SLC38A4: variants seen among roughly 807,000 people sequenced by gnomAD.
The protein encoded by SLC38A4 is solute carrier family 38 member 4.
In SLC38A4, 20 loss-of-function variants were observed where a neutral mutation model predicts 63.1. That is an observed-to-expected ratio of 0.32 (90% CI 0.22 to 0.46). SLC38A4 has a LOEUF of 0.46. Ranked by LOEUF, SLC38A4 falls within the 20% of genes least tolerant of loss-of-function variation. SLC38A4 has a pLI of 1.00. For synonymous variants in SLC38A4, 230 were observed against 225.5 expected (o/e 1.02, Z -0.18); for missense variants, 526 against 663.6 (o/e 0.79, Z 2.28).
intron 1 of SLC38A4, among the ~76,000 whole-genome samples, chr12:46,819,861 C>A (rs1592197643): frequency 6.6e-6 from 1 of 152,006 alleles, no homozygotes; most frequent in Admixed American, 6.6e-5. Flanking sequence ...ACTACAAATT[C>A]TTTCAGTCAA....
intron 14 of SLC38A4, among the ~76,000 whole-genome samples, chr12:46,773,017 C>A (rs1182376561): frequency 6.6e-6 from 1 of 151,996 alleles, no homozygotes; most frequent in Non-Finnish European, 1.5e-5. Flanking sequence ...GCGCCAATAA[C>A]AACTTTTATC....
intron 2 of SLC38A4, among the ~76,000 whole-genome samples, chr12:46,798,323 T>C (rs1279581214): frequency 6.6e-6 from 1 of 152,134 alleles, no homozygotes; most frequent in African/African-American, 2.4e-5. Context: ...GTCCACACTC[T>C]CCTCACCTTA....
intron 1 of SLC38A4, among the ~76,000 whole-genome samples, chr12:46,820,984 A>G (rs949805002): frequency 3.3e-5 from 5 of 152,054 alleles, no homozygotes; most frequent in Admixed American, 6.6e-5. Flanking sequence ...TTTTGAATAA[A>G]TGTCTATTCA....
At chr12:46,778,852 G>A in intron 10 of SLC38A4, 76 bp from the exon 11 acceptor site, 1 of 1,376,454 alleles carries the variant, frequency 7.3e-7, no homozygotes, top group Non-Finnish European at 1.0e-6. Context: ...CCATATGTGT[G>A]GCTTATAGGG....
At chr12:46,814,986 G>A (rs1012696290) in intron 1 of SLC38A4, among the ~76,000 whole-genome samples, 1 of 151,740 alleles carries the variant, frequency 6.6e-6, no homozygotes, top group East Asian at 1.9e-4. Flanking sequence ...ATTTAGAAAT[G>A]AGGAGTTTTA....
At position 46,768,385 on chromosome 12, in the gene SLC38A4, C is replaced by A; in HGVS notation, c.1467G>T (p.Leu489=). 1 of 1,610,766 alleles carries A rather than the reference C, an allele frequency of 6.2e-7. No homozygotes were observed. Among genetic ancestry groups the A allele is most frequent in the South Asian group, 1.1e-5 (1 of 90,790 alleles). The change falls in exon 16 of 17, where the codon CTG becomes CTT. Residue 489 remains leucine (L), a synonymous_variant. Coordinates refer to ENST00000266579, the MANE Select transcript of SLC38A4 (RefSeq NM_018018.5). The part of the protein sequence containing the change: ...GFIGASSATM[L]IFILPAVFYL... The stretch of plus-strand genomic sequence containing the variant: ...AAAAAACTGCTGGAAGAATAAAAAT[C>A]AGCATAGTGGCAGAAGAAGCCCCTG...
intron 2 of SLC38A4, among the ~76,000 whole-genome samples, chr12:46,797,148 A>G (rs1265403655): frequency 6.6e-6 from 1 of 152,118 alleles, no homozygotes; most frequent in African/African-American, 2.4e-5. Flanking sequence ...TCCACTCCCA[A>G]GACTTCATAT....
At chr12:46,782,002 G>A (rs911933902) in intron 7 of SLC38A4, among the ~76,000 whole-genome samples, 1 of 151,910 alleles carries the variant, frequency 6.6e-6, no homozygotes, top group Non-Finnish European at 1.5e-5. Context: ...TATGCATATG[G>A]CTCCAAACCA....
At position 46,797,201 on chromosome 12, in the gene SLC38A4, G is replaced by T. The variant is rs186598549; in HGVS notation, c.-112-4018C>A. On this transcript the variant is annotated intron_variant, in intron 2 of 16. Transcript: ENST00000266579. ...TATATGTCATTGTGGCTGCATTAAA[G>T]GATGGGAAGATAGCAAGTAAAACTT... Among the ~76,000 whole-genome samples the T allele has an allele frequency of 2.0e-3, 305 of 152,224 alleles. 1 individual carries two copies. The highest frequency in any genetic ancestry group is 6.9e-3 in the African/African-American group (288 of 41,540).
At chr12:46,787,556 G>A (rs1386595786) in intron 5 of SLC38A4, among the ~76,000 whole-genome samples, 1 of 152,102 alleles carries the variant, frequency 6.6e-6, no homozygotes, top group Non-Finnish European at 1.5e-5. Flanking sequence ...AGGGGTACAG[G>A]GAATGGGACA....
rs575962802 is a variant in SLC38A4 at position 46,776,052 on chromosome 12, C to T, written c.1174+852G>A. Reference sequence around the variant, plus strand: ...AAAAACCTAAGCAAATGGTGGCCTACTCCTGAATCTTTTCCTCCACAATTT... The same window carrying T: ...AAAAACCTAAGCAAATGGTGGCCTATTCCTGAATCTTTTCCTCCACAATTT... On this transcript the variant is annotated intron_variant, in intron 13 of 16. Transcript: ENST00000266579. Among the ~76,000 whole-genome samples, 9 of 152,100 alleles carry T rather than the reference C, an allele frequency of 5.9e-5. No individual in the cohort carries two copies. In the East Asian group the frequency reaches 1.7e-3, roughly 30 times the overall value.
chr12:46,827,384 T>C (rs78161422), upstream of SLC38A4, among the ~76,000 whole-genome samples: 5,444 of 152,232 alleles, frequency 0.036, 324 homozygotes, highest in African/African-American at 0.13. Flanking sequence ...CAAGCATGGA[T>C]ATGGTAAAGA....
At chr12:46,781,956 G>A (rs1448440645) in intron 7 of SLC38A4, among the ~76,000 whole-genome samples, 1 of 152,034 alleles carries the variant, frequency 6.6e-6, no homozygotes, top group Non-Finnish European at 1.5e-5. Context: ...TGAAACAAAT[G>A]TAAAGTGGTC....
At chr12:46,827,502 C>T (rs565848804), upstream of SLC38A4, among the ~76,000 whole-genome samples, 16 of 152,296 alleles carry the variant, frequency 1.1e-4, no homozygotes, top group Middle Eastern at 6.8e-3. Flanking sequence ...CTGGCATAAA[C>T]ATCTACTAAA....
intron 14 of SLC38A4, among the ~76,000 whole-genome samples, chr12:46,769,671 C>G (rs1361185890): frequency 3.3e-5 from 5 of 152,016 alleles, no homozygotes; most frequent in African/African-American, 1.2e-4. Context: ...AACAACAGAC[C>G]ACATATAAGA....
At position 46,779,844 on chromosome 12, in the gene SLC38A4, G is replaced by C; in HGVS notation, c.594C>G (p.Gly198=). ...EENTGEWYLN[G]NYLIIFVSVG... Reference sequence around the variant, plus strand: ...CAGACACAAATATGATGAGGTAGTTGCCATTGAGGTACCATTCTCTAGAAG... The same window carrying C: ...CAGACACAAATATGATGAGGTAGTTCCCATTGAGGTACCATTCTCTAGAAG... Residue 198 remains glycine (G), a synonymous_variant, in exon 9 of 17, where the codon GGC becomes GGG. Transcript: ENST00000266579. The C allele has an allele frequency of 6.2e-7, 1 of 1,612,220 alleles. No homozygotes were observed. Among genetic ancestry groups the C allele is most frequent in the Non-Finnish European group, 8.5e-7 (1 of 1,179,044 alleles).
At chr12:46,778,850 G>A (rs2120774898) in intron 10 of SLC38A4, 74 bp from the exon 11 acceptor site, 1 of 1,403,300 alleles carries the variant, frequency 7.1e-7, no homozygotes, top group East Asian at 2.4e-5. Context: ...ATCCATATGT[G>A]TGGCTTATAG....
chr12:46,786,000 T>A (rs1315394707), intron 5 of SLC38A4, among the ~76,000 whole-genome samples: 1 of 152,034 alleles, frequency 6.6e-6, no homozygotes, highest in Non-Finnish European at 1.5e-5. Context: ...ATCTAATCCC[T>A]TGGTAATTCC....
chr12:46,799,872 A>G (rs1939094011), intron 2 of SLC38A4, among the ~76,000 whole-genome samples: 1 of 152,166 alleles, frequency 6.6e-6, no homozygotes. Context: ...GGATGAATAA[A>G]ACAGACTCCT....
Sources: gnomAD v4.1 joint callset for allele counts (sites outside exome capture counted in the v4.1 genomes callset) on GRCh38, gnomAD v4.1.1 for gene constraint, MANE v1.5 for transcripts, NCBI Gene and HGNC (gene_info 2026-07-23, HGNC 2026-07-21) for gene names.